OPCML: variants seen among roughly 807,000 people sequenced by gnomAD.
OPCML encodes the protein opioid-binding protein/cell adhesion molecule.
Under a neutral mutation model 37.8 loss-of-function variants are expected in OPCML, and 13 were observed. The ratio of observed to expected loss-of-function variants is 0.34; its 90% CI spans 0.22 to 0.55. The LOEUF (loss-of-function observed/expected upper bound fraction) is 0.55. Among genes scored for constraint, OPCML ranks in the 20% least tolerant of loss-of-function variants. The pLI is 0.91. For synonymous variants in OPCML, 176 were observed against 168.8 expected (o/e 1.04, Z -0.33); for missense variants, 341 against 435.6 (o/e 0.78, Z 1.93).
At chr11:133,309,478 T>C (rs1160552065) in intron 1 of OPCML, among the ~76,000 whole-genome samples, 2 of 152,082 alleles carry the variant, frequency 1.3e-5, no homozygotes, top group African/African-American at 2.4e-5. Context: ...CTGTCACAGA[T>C]TGGAGAATAC....
chr11:133,103,053 A>C (rs950724060), intron 1 of OPCML, among the ~76,000 whole-genome samples: 3 of 152,184 alleles, frequency 2.0e-5, no homozygotes, highest in Non-Finnish European at 4.4e-5. Flanking sequence ...TTGAATCCAA[A>C]AAAGGGACAC....
intron 3 of OPCML, among the ~76,000 whole-genome samples, chr11:132,539,950 GTGA>G (rs543337879): frequency 5.9e-5 from 9 of 151,828 alleles, no homozygotes; most frequent in Non-Finnish European, 7.4e-5. Context: ...GATTGTGGTA[GTGA>G]TGATGATGAT....
At chr11:133,320,482 G>T (rs537199507) in intron 1 of OPCML, among the ~76,000 whole-genome samples, 2 of 152,188 alleles carry the variant, frequency 1.3e-5, no homozygotes, top group African/African-American at 4.8e-5. Flanking sequence ...AGAGGTTCTT[G>T]TTGTAATTAA....
At chr11:133,126,094 C>T (rs78815102) in intron 1 of OPCML, among the ~76,000 whole-genome samples, 34 of 127,080 alleles carry the variant, frequency 2.7e-4, no homozygotes, top group African/African-American at 7.4e-4. Flanking sequence ...CACACACACA[C>T]ATATATGAGA....
chr11:132,564,678 A>G (rs2096418284), intron 3 of OPCML, among the ~76,000 whole-genome samples: 1 of 152,122 alleles, frequency 6.6e-6, no homozygotes. Flanking sequence ...CACTGCTCCT[A>G]AGGGAGTGTT....
chr11:133,248,854 T>A (rs1343863725), intron 1 of OPCML, among the ~76,000 whole-genome samples: 2 of 152,168 alleles, frequency 1.3e-5, no homozygotes, highest in Admixed American at 6.5e-5. Flanking sequence ...TGTTCCAGTG[T>A]GTGATCAAGA....
At chr11:132,706,695 G>C (rs951857973) in intron 2 of OPCML, among the ~76,000 whole-genome samples, 2 of 152,032 alleles carry the variant, frequency 1.3e-5, no homozygotes, top group Non-Finnish European at 2.9e-5. Flanking sequence ...CCTCTGCATA[G>C]GTTAGCACTC....
At chr11:132,863,248 T>C (rs896456161) in intron 2 of OPCML, among the ~76,000 whole-genome samples, 2 of 152,236 alleles carry the variant, frequency 1.3e-5, no homozygotes, top group African/African-American at 4.8e-5. Context: ...GCATCCAGGC[T>C]GGCCTTTTGC....
At chr11:133,437,272 G>T (rs114005295) in intron 1 of OPCML, among the ~76,000 whole-genome samples, 1 of 152,078 alleles carries the variant, frequency 6.6e-6, no homozygotes, top group Non-Finnish European at 1.5e-5. Context: ...TGCCACAGAC[G>T]GAAGCCATTA....
chr11:133,204,728 A>T (rs535883049), intron 1 of OPCML, among the ~76,000 whole-genome samples: 1 of 152,072 alleles, frequency 6.6e-6, no homozygotes, highest in South Asian at 2.1e-4. Flanking sequence ...GGGACAGGAG[A>T]GAACGCTGGC....
intron 1 of OPCML, among the ~76,000 whole-genome samples, chr11:133,238,301 G>A (rs1434857971): frequency 6.6e-6 from 1 of 152,150 alleles, no homozygotes. Flanking sequence ...AATGCAGCTG[G>A]TCCATGCTGA....
At chr11:133,433,584 AC>A (rs1351955304) in intron 1 of OPCML, among the ~76,000 whole-genome samples, 1 of 152,098 alleles carries the variant, frequency 6.6e-6, no homozygotes, top group Non-Finnish European at 1.5e-5. Flanking sequence ...AGTCTTACCA[AC>A]CTATGTCCAA....
chr11:132,852,776 C>T (rs1941871345), intron 2 of OPCML, among the ~76,000 whole-genome samples: 1 of 152,080 alleles, frequency 6.6e-6, no homozygotes, highest in African/African-American at 2.4e-5. Context: ...AGAAAGCATA[C>T]ATCTAGCACT....
At chr11:133,412,407 A>G (rs1467201408) in intron 1 of OPCML, among the ~76,000 whole-genome samples, 1 of 152,182 alleles carries the variant, frequency 6.6e-6, no homozygotes, top group East Asian at 1.9e-4. Context: ...GTCAGAGAGC[A>G]TGTGGCATGG....
chr11:132,675,859 A>C (rs1942677579), intron 2 of OPCML, among the ~76,000 whole-genome samples: 1 of 152,200 alleles, frequency 6.6e-6, no homozygotes, highest in African/African-American at 2.4e-5. Context: ...GAAGATGGTC[A>C]TATTTCCCAA....
rs1361450456 is a variant in OPCML, at chr11:132,417,364, C to T, written c.*2829G>A. On this transcript the variant is annotated 3_prime_UTR_variant, in exon 8 of 8. Transcript: ENST00000524381. Reference sequence around the variant, plus strand: ...AGTCATTTTCACTCCCAGTGAGTACCCCAGTTGCCTTGGGTTGTATTTACT... The same window carrying T: ...AGTCATTTTCACTCCCAGTGAGTACTCCAGTTGCCTTGGGTTGTATTTACT... 1.3e-5 allele frequency: 2 copies of T among 152,172 alleles called. No individual in the cohort carries two copies. Among genetic ancestry groups the T allele is most frequent in the Admixed American group, 6.5e-5 (1 of 15,280 alleles). 9.4% of individuals were successfully genotyped at this position (152,172 alleles called of 1,614,324 possible).
At chr11:132,638,455 A>G (rs1354925762) in intron 3 of OPCML, among the ~76,000 whole-genome samples, 1 of 152,122 alleles carries the variant, frequency 6.6e-6, no homozygotes, top group Non-Finnish European at 1.5e-5. Context: ...ACTAAACCAC[A>G]CTTGTAAAAC....
intron 2 of OPCML, among the ~76,000 whole-genome samples, chr11:132,858,527 C>A (rs537167448): frequency 6.6e-6 from 1 of 152,290 alleles, no homozygotes; most frequent in Admixed American, 6.5e-5. Flanking sequence ...AGGTTATGAG[C>A]CTCCAGGACT....
At chr11:133,118,375 T>C (rs1199104280) in intron 1 of OPCML, 2 of 985,282 alleles carry the variant, frequency 2.0e-6, no homozygotes, top group African/African-American at 1.7e-5. Context: ...GTGAGAGTTA[T>C]AAACTGGAGT....
Sources: allele counts gnomAD v4.1 joint callset (sites outside exome capture counted in the v4.1 genomes callset), GRCh38; gene constraint gnomAD v4.1.1; transcripts MANE v1.5; gene names NCBI Gene and HGNC (gene_info 2026-07-23, HGNC 2026-07-21).